CPEB2: variants seen among roughly 807,000 people sequenced by gnomAD.
CPEB2 encodes the protein cytoplasmic polyadenylation element-binding protein 2.
CPEB2 carries 56 observed loss-of-function variants against 93.6 expected under a neutral mutation model. That is an observed-to-expected ratio of 0.60 (90% CI 0.48 to 0.75). CPEB2 has a LOEUF of 0.75. CPEB2 is among the 30% of genes least tolerant of loss of function. CPEB2 has a pLI of 0.00. For synonymous variants in CPEB2, 764 were observed against 586.3 expected, an observed-to-expected ratio of 1.30 and a Z score of -4.38; for missense variants, 1,579 against 1,395.1, an observed-to-expected ratio of 1.13 and a Z score of -2.10.
Position 15,062,268 on chromosome 4 carries a change from G to T in CPEB2, c.2877+8G>T. 6.3e-7 allele frequency: 1 copy of T among 1,596,518 alleles called. No homozygotes were observed. The highest frequency in any genetic ancestry group is 8.6e-7 in the Non-Finnish European group (1 of 1,168,094). ...GGTGATATTGATAAACGTGTAAGTTGCATATTGGGAAATCACTTATGTCCT... is the reference window on the plus strand; with the variant it reads ...GGTGATATTGATAAACGTGTAAGTTTCATATTGGGAAATCACTTATGTCCT... On this transcript the variant is annotated splice_region_variant and intron_variant, in intron 11 of 11. Coordinates refer to ENST00000538197, the MANE Select transcript of CPEB2 (RefSeq NM_001177382.2).
intron 4 of CPEB2, among the ~76,000 whole-genome samples, chr4:15,030,009 T>C (rs1434081031): frequency 6.6e-6 from 1 of 152,066 alleles, no homozygotes; most frequent in Non-Finnish European, 1.5e-5. Flanking sequence ...TTTTTGGTTT[T>C]TTGTTTTTTA....
chr4:15,044,355 GA>G (rs1727461290), intron 6 of CPEB2, among the ~76,000 whole-genome samples: 1 of 152,024 alleles, frequency 6.6e-6, no homozygotes, highest in African/African-American at 2.4e-5. Flanking sequence ...ACCCTTTAAA[GA>G]AAAAAATTTG....
Position 15,052,431 on chromosome 4 carries a change from C to A in CPEB2, c.2218C>A (p.Pro740Thr). ...GRRRGRSSLF[P>T]IDDGLLDDGH... ...TATTCTAGGTCGTTCTTCCCTCTTT[C>A]CAATAGATGATGGCTTGCTTGATGA... The change falls in exon 7 of 12, where the codon CCA becomes ACA. Residue 740 changes from proline to threonine, a missense_variant. Pro to Thr is a conservative substitution (Grantham distance 38). Transcript: ENST00000538197. The A allele has an allele frequency of 6.6e-7, 1 of 1,526,572 alleles. No homozygotes were observed. Among genetic ancestry groups the A allele is most frequent in the South Asian group, 1.3e-5 (1 of 77,718 alleles). The allele number at this position is 1,526,572 out of a possible 1,614,324, so 94.6% of individuals were successfully genotyped here. A position where few individuals can be genotyped will look rare whatever the true frequency, so the allele number is the denominator to read the frequency against.
Position 15,002,931 on chromosome 4 carries a change from C to T in CPEB2, c.258C>T (p.Phe86=), listed in dbSNP as rs1163132351. 5 of 1,517,264 alleles carry T rather than the reference C, an allele frequency of 3.3e-6. No homozygotes were observed. The highest frequency in any genetic ancestry group is 4.5e-5 in the Admixed American group (2 of 44,366). The allele number at this position is 1,517,264 out of a possible 1,614,324, so 94.0% of individuals were successfully genotyped here. A position where few individuals can be genotyped will look rare whatever the true frequency, so the allele number is the denominator to read the frequency against. Residue 86 remains phenylalanine (F), a synonymous_variant, in exon 1 of 12, where the codon TTC becomes TTT. Transcript: ENST00000538197. The stretch of plus-strand genomic sequence containing the variant: ...CCGCCGCTTCCTCTTCCTCCCCGTT[C>T]CTGGCGCATCAGCAGACCATGCAGG... ...PAAAASSSSP[F]LAHQQTMQDE...
chr4:15,062,092 G>A lies in CPEB2; in HGVS notation c.2709G>A (p.Met903Ile). 1.2e-6 allele frequency: 2 copies of A among 1,605,962 alleles called. No homozygotes were observed. The highest frequency in any genetic ancestry group is 1.7e-6 in the Non-Finnish European group (2 of 1,174,930). The change falls in exon 11 of 12, where the codon ATG becomes ATA. Residue 903 changes from methionine (M) to isoleucine (I), a missense_variant. Transcript: ENST00000538197. Reference protein sequence around the residue: ...PRPLRAVELAMIMDRLYGGVC... With the variant: ...PRPLRAVELAIIMDRLYGGVC... Reference sequence around the variant, plus strand: ...TTCCTTTTCAAGTGGAACTTGCTATGATCATGGACCGGCTGTATGGTGGAG... The same window carrying A: ...TTCCTTTTCAAGTGGAACTTGCTATAATCATGGACCGGCTGTATGGTGGAG...
chr4:15,007,782 G>T (rs779096605), intron 2 of CPEB2, among the ~76,000 whole-genome samples, 196 bp downstream of exon 2: 2 of 152,054 alleles, frequency 1.3e-5, no homozygotes, highest in Non-Finnish European at 2.9e-5. Flanking sequence ...CTCTAAACAC[G>T]CAATGGAAAA....
Position 15,052,534 on chromosome 4 carries a change from G to A in CPEB2, c.2321G>A (p.Arg774His), listed in dbSNP as rs1185406169. 7 of 1,575,034 alleles carry A rather than the reference G, an allele frequency of 4.4e-6. No homozygotes were observed. Among genetic ancestry groups the A allele is most frequent in the African/African-American group, 1.4e-5 (1 of 73,890 alleles). ...CACCAAAATGGAGAGCGAATAGAAC[G>A]CTTCTCTCGAAAAGTTTTTGTTGGT... The part of the protein sequence containing the change: ...SAHQNGERIE[R>H]FSRKVFVGGL... The change falls in exon 7 of 12, where the codon CGC (arginine) becomes CAC (histidine). Residue 774 changes from arginine to histidine, a missense_variant. Around this residue, in one of 2 missense-constraint regions of CPEB2, gnomAD observed 168 missense variants for 339.1 expected, o/e 0.50. Coordinates refer to ENST00000538197, the MANE Select transcript of CPEB2 (RefSeq NM_001177382.2).
rs1033981356 is a variant in CPEB2 at position 15,019,043 on chromosome 4, A to G, written c.2125+1765A>G. Among the ~76,000 whole-genome samples, 3 of 150,300 alleles carry G rather than the reference A, an allele frequency of 2.0e-5. No homozygotes were observed. The South Asian group carries it at 6.3e-4, about 31-fold the overall frequency. ...CAAGTGAATTCAAAATTTTTAAGTTAGGAAAATTATCTTTGGCTGTGAGAA... is the reference window on the plus strand; with the variant it reads ...CAAGTGAATTCAAAATTTTTAAGTTGGGAAAATTATCTTTGGCTGTGAGAA... On this transcript the variant is annotated intron_variant, in intron 4 of 11. Coordinates refer to ENST00000538197, the MANE Select transcript of CPEB2 (RefSeq NM_001177382.2).
At chr4:15,030,816 A>G (rs1726013204) in intron 4 of CPEB2, among the ~76,000 whole-genome samples, 1 of 152,098 alleles carries the variant, frequency 6.6e-6, no homozygotes, top group African/African-American at 2.4e-5. Flanking sequence ...TAAACTTTCC[A>G]CAAAAAGTGT....
intron 8 of CPEB2, among the ~76,000 whole-genome samples, chr4:15,057,299 ATT>A (rs1262496579): frequency 6.6e-6 from 1 of 152,116 alleles, no homozygotes; most frequent in Non-Finnish European, 1.5e-5. Context: ...GGCTCCAGGT[ATT>A]TTTTATGCAA....
At chr4:15,050,045 C>T (rs1728074560) in intron 6 of CPEB2, among the ~76,000 whole-genome samples, 1 of 152,138 alleles carries the variant, frequency 6.6e-6, no homozygotes, top group Non-Finnish European at 1.5e-5. Flanking sequence ...CAACATAAAA[C>T]GGTCCGGTCC....
intron 10 of CPEB2, among the ~76,000 whole-genome samples, chr4:15,061,323 G>A (rs1029194810): frequency 1.1e-4 from 16 of 152,138 alleles, no homozygotes; most frequent in African/African-American, 2.9e-4. Context: ...AAGTTAAGGC[G>A]TTTAGGATGA....
intron 5 of CPEB2, among the ~76,000 whole-genome samples, chr4:15,038,909 C>G (rs1302230360): frequency 6.6e-6 from 1 of 152,106 alleles, no homozygotes; most frequent in Non-Finnish European, 1.5e-5. Flanking sequence ...TTCTTGATCA[C>G]TCTATTAAAA....
intron 6 of CPEB2, among the ~76,000 whole-genome samples, chr4:15,051,963 A>T (rs1350584020): frequency 2.0e-5 from 3 of 152,216 alleles, no homozygotes; most frequent in African/African-American, 4.8e-5. Flanking sequence ...CTTGTATACA[A>T]GTATTACTTG....
At chr4:15,012,826 A>G (rs762091497) in intron 3 of CPEB2, among the ~76,000 whole-genome samples, 9 of 152,122 alleles carry the variant, frequency 5.9e-5, no homozygotes, top group Admixed American at 1.3e-4. Context: ...ATAAGAATAT[A>G]GGGGTTTTCT....
chr4:15,002,671 T>TA lies in CPEB2; in HGVS notation c.1dup. 1 of 1,490,566 alleles carries TA rather than the reference T, an allele frequency of 6.7e-7. No individual in the cohort carries two copies. The highest frequency in any genetic ancestry group is 2.6e-5 in the East Asian group (1 of 38,372). 92.3% of individuals were successfully genotyped at this position (1,490,566 alleles called of 1,614,324 possible). ...TCTCCTCCCGCTGCCGGCGGCCTGA[T>TA]AAATGAGGGATTTCGGGTTTGGGGT... is the stretch of plus-strand genomic sequence containing the variant. On this transcript the variant is annotated 5_prime_UTR_variant, in exon 1 of 12. Coordinates refer to ENST00000538197, the MANE Select transcript of CPEB2 (RefSeq NM_001177382.2).
At chr4:15,058,378 C>A in intron 8 of CPEB2, 43 bp from the exon 9 acceptor site, 8 of 1,114,766 alleles carry the variant, frequency 7.2e-6, no homozygotes, top group Admixed American at 2.0e-5. Flanking sequence ...GGAGTAAAAT[C>A]ACTTGGCTTG....
chr4:15,004,084 C>G lies in CPEB2; in HGVS notation c.1411C>G (p.His471Asp), dbSNP rs1156448545. ...FFPSFSPVSP[H>D]GCTGLSVPTS... Reference sequence around the variant, plus strand: ...CCCTAGCTTCTCGCCCGTGTCGCCGCACGGCTGCACTGGGCTCAGCGTTCC... The same window carrying G: ...CCCTAGCTTCTCGCCCGTGTCGCCGGACGGCTGCACTGGGCTCAGCGTTCC... The change falls in exon 1 of 12, where the codon CAC becomes GAC. Residue 471 changes from histidine (H) to aspartate (D), a missense_variant. By Grantham distance (81) the His-to-Asp change is moderately conservative. Coordinates refer to ENST00000538197, the MANE Select transcript of CPEB2 (RefSeq NM_001177382.2). The G allele has an allele frequency of 6.4e-7, 1 of 1,563,972 alleles. No homozygotes were observed. Among genetic ancestry groups the G allele is most frequent in the African/African-American group, 1.4e-5 (1 of 70,294 alleles).
intron 8 of CPEB2, among the ~76,000 whole-genome samples, chr4:15,055,454 A>C (rs1313004124): frequency 6.6e-6 from 1 of 152,160 alleles, no homozygotes. Flanking sequence ...CCATTTCATA[A>C]AGTTTACTTT....
Sources: allele counts gnomAD v4.1 joint callset (sites outside exome capture counted in the v4.1 genomes callset), GRCh38; gene constraint gnomAD v4.1.1; regional missense constraint gnomAD v4.1.1; transcripts MANE v1.5; gene names NCBI Gene and HGNC (gene_info 2026-07-23, HGNC 2026-07-21).